MBTPS1: variants seen among roughly 807,000 people sequenced by gnomAD.
MBTPS1 encodes the protein membrane-bound transcription factor site-1 protease.
MBTPS1 carries 94 observed loss-of-function variants against 127.8 expected under a neutral mutation model. That is an observed-to-expected ratio of 0.74 (90% confidence interval 0.62 to 0.87). The LOEUF is 0.87. Ranked by LOEUF, MBTPS1 falls within the 40% of genes least tolerant of loss-of-function variation. MBTPS1 has a pLI of 0.00. For missense variants in MBTPS1, 1,636 were observed against 1,353.2 expected, an observed-to-expected ratio of 1.21 and a Z score of -3.28; for synonymous variants, 632 against 509.4, an observed-to-expected ratio of 1.24 and a Z score of -3.24.
At chr16:84,100,657 G>A (rs1013570954) in intron 2 of MBTPS1, among the ~76,000 whole-genome samples, 5 of 152,114 alleles carry the variant, frequency 3.3e-5, no homozygotes, top group African/African-American at 4.8e-5. Flanking sequence ...TGCCTGGGAG[G>A]CCAAGGCTGC....
chr16:84,116,231 G>C (rs1156732746), intron 1 of MBTPS1, among the ~76,000 whole-genome samples: 1 of 152,206 alleles, frequency 6.6e-6, no homozygotes, highest in Non-Finnish European at 1.5e-5. Flanking sequence ...AACGGTCTTA[G>C]GTAGCGCAAC....
intron 1 of MBTPS1, among the ~76,000 whole-genome samples, chr16:84,104,933 CA>C (rs34579181): frequency 0.14 from 20,954 of 145,174 alleles, 2,533 homozygotes; most frequent in African/African-American, 0.33. Context: ...CCAACCGACC[CA>C]AAAAAAAAAA....
At chr16:84,066,858 C>T (rs183177943) in intron 16 of MBTPS1, among the ~76,000 whole-genome samples, 1 of 152,088 alleles carries the variant, frequency 6.6e-6, no homozygotes, top group Non-Finnish European at 1.5e-5. Flanking sequence ...TACCGAAATG[C>T]ACCAGAGATA....
chr16:84,060,574 C>G, intron 20 of MBTPS1, 108 bp downstream of exon 20: 1 of 1,291,080 alleles, frequency 7.7e-7, no homozygotes, highest in Non-Finnish European at 1.1e-6. Context: ...CACTCAGCGG[C>G]GCACACAAAC....
In MBTPS1 at chr16:84,070,638, T is replaced by C. The variant is rs1386635491; in HGVS notation, c.1732A>G (p.Ile578Val). The C allele has an allele frequency of 8.1e-6, 13 of 1,613,462 alleles. No homozygotes were observed. The highest frequency in any genetic ancestry group is 1.1e-5 in the Non-Finnish European group (13 of 1,179,932). Residue 578 changes from isoleucine to valine, a missense_variant, in exon 13 of 23, where the codon ATT becomes GTT. Coordinates refer to ENST00000343411, the MANE Select transcript of MBTPS1 (RefSeq NM_003791.4). ...GTGATCATGACATGGCCCTGAGCAA[T>C]GCCTTCCCAGGAAGCCGCTTTCTTG... ...VTKKAASWEG[I>V]AQGHVMITVA...
intron 10 of MBTPS1, among the ~76,000 whole-genome samples, chr16:84,082,975 G>A (rs1009748115): frequency 2.0e-5 from 3 of 152,166 alleles, no homozygotes; most frequent in Non-Finnish European, 4.4e-5. Context: ...TCTGCTGCAG[G>A]GAGATGAGGA....
At chr16:84,083,500 C>T (rs1234015048) in intron 10 of MBTPS1, among the ~76,000 whole-genome samples, 1 of 151,898 alleles carries the variant, frequency 6.6e-6, no homozygotes, top group Non-Finnish European at 1.5e-5. Context: ...TATGTTGCCC[C>T]AGCTGCTCTC....
intron 18 of MBTPS1, among the ~76,000 whole-genome samples, chr16:84,065,398 G>A (rs2085667095): frequency 6.6e-6 from 1 of 152,136 alleles, no homozygotes; most frequent in South Asian, 2.1e-4. Flanking sequence ...TACCATTCAA[G>A]TAATATTGCA....
chr16:84,055,306 G>A (rs1189841736), intron 22 of MBTPS1, among the ~76,000 whole-genome samples: 1 of 152,074 alleles, frequency 6.6e-6, no homozygotes, highest in Non-Finnish European at 1.5e-5. Context: ...AGACAGGGGT[G>A]CCCCTTCCTG....
intron 3 of MBTPS1, 59 bp from the exon 4 acceptor site, chr16:84,095,864 G>C: frequency 1.4e-6 from 2 of 1,421,948 alleles, no homozygotes; most frequent in Non-Finnish European, 2.0e-6. Context: ...CACGATACCC[G>C]CCAGGCAAAA....
chr16:84,066,088 G>A (rs2085679076), intron 17 of MBTPS1, among the ~76,000 whole-genome samples: 1 of 152,198 alleles, frequency 6.6e-6, no homozygotes, highest in African/African-American at 2.4e-5. Context: ...CAGACCTGCA[G>A]AATGGGTAGT....
At chr16:84,055,902 C>T (rs996919307) in intron 22 of MBTPS1, 103 bp downstream of exon 22, 14 of 1,314,078 alleles carry the variant, frequency 1.1e-5, no homozygotes, top group Non-Finnish European at 1.3e-5. Flanking sequence ...CCCAGGAAGG[C>T]AGAGACAGGG....
intron 12 of MBTPS1, chr16:84,072,032 G>C (rs1037264584): frequency 2.0e-5 from 3 of 152,244 alleles, no homozygotes; most frequent in Non-Finnish European, 4.4e-5. Flanking sequence ...CCCCATCTAA[G>C]CTGAAAGCTG....
intron 1 of MBTPS1, among the ~76,000 whole-genome samples, chr16:84,107,605 A>T (rs936524453): frequency 6.6e-6 from 1 of 152,192 alleles, no homozygotes; most frequent in African/African-American, 2.4e-5. Flanking sequence ...TCCTTTAAGG[A>T]AAACAAAAAT....
chr16:84,096,653 C>T (rs1334551734), intron 3 of MBTPS1, among the ~76,000 whole-genome samples: 1 of 152,178 alleles, frequency 6.6e-6, no homozygotes, highest in Non-Finnish European at 1.5e-5. Flanking sequence ...AAGCAAATCA[C>T]TGTCATTTTT....
intron 5 of MBTPS1, 132 bp downstream of exon 5, chr16:84,093,579 T>C (rs2086139521): frequency 2.8e-6 from 2 of 722,752 alleles, no homozygotes; most frequent in Non-Finnish European, 4.8e-6. Context: ...TTCAGAGCAG[T>C]TTCTGCCACA....
chr16:84,072,645 C>T (rs1200092804), intron 12 of MBTPS1, among the ~76,000 whole-genome samples: 2 of 152,096 alleles, frequency 1.3e-5, no homozygotes, highest in African/African-American at 4.8e-5. Context: ...AAAAAATTAG[C>T]CGGGCATGGT....
At chr16:84,105,792 G>C (rs1336931142) in intron 1 of MBTPS1, among the ~76,000 whole-genome samples, 2 of 152,152 alleles carry the variant, frequency 1.3e-5, no homozygotes, top group African/African-American at 4.8e-5. Context: ...CGACGAGACT[G>C]CTGAGCTCCT....
chr16:84,105,614 C>T lies in MBTPS1; in HGVS notation c.-324-3507G>A, dbSNP rs149495959. Among the ~76,000 whole-genome samples, 403 of 152,282 alleles carry T rather than the reference C, an allele frequency of 2.6e-3. 1 individual carries two copies. Among genetic ancestry groups the T allele is most frequent in the African/African-American group, 9.4e-3 (389 of 41,562 alleles). On this transcript the variant is annotated intron_variant, in intron 1 of 22. Transcript: ENST00000343411. ...GGAAGACACAGATGTGCACAAGGATCAGCACTGCCCAGCCTGAGGAGGGAG... is the reference window on the plus strand; with the variant it reads ...GGAAGACACAGATGTGCACAAGGATTAGCACTGCCCAGCCTGAGGAGGGAG...
Sources: allele counts gnomAD v4.1 joint callset (sites outside exome capture counted in the v4.1 genomes callset), GRCh38; gene constraint gnomAD v4.1.1; transcripts MANE v1.5; gene names NCBI Gene and HGNC (gene_info 2026-07-23, HGNC 2026-07-21).